The following TBK1 variants were observed in gnomAD, a reference collection of about 807,000 sequenced individuals.
TBK1 encodes the protein TANK binding kinase 1, also known as serine/threonine-protein kinase TBK1.
A neutral mutation model predicts 99.9 loss-of-function variants in TBK1; 37 were observed. The ratio of observed to expected loss-of-function variants is 0.37; its 90% CI spans 0.28 to 0.49. The LOEUF (loss-of-function observed/expected upper bound fraction) is 0.49, where lower values mean the gene tolerates loss of function less well. Ranked by LOEUF, TBK1 falls within the 20% of genes least tolerant of loss-of-function variation. The pLI is 0.98. For synonymous variants in TBK1, 258 were observed against 279.8 expected, an observed-to-expected ratio of 0.92 and a Z score of 0.78; for missense variants, 644 against 872.5, an observed-to-expected ratio of 0.74 and a Z score of 3.30.
chr12:64,497,577 C>G, intron 18 of TBK1, 71 bp from the exon 19 acceptor site: 1 of 1,007,516 alleles, frequency 9.9e-7, no homozygotes. Flanking sequence ...GATGTCAGAT[C>G]TGTAGTAAGT....
At chr12:64,456,654 C>A (rs1393401336) in intron 2 of TBK1, among the ~76,000 whole-genome samples, 3 of 152,044 alleles carry the variant, frequency 2.0e-5, no homozygotes. Context: ...TCCTGGCTAA[C>A]ACGGTGAAAC....
At chr12:64,494,604 C>G (rs2040906883) in intron 13 of TBK1, among the ~76,000 whole-genome samples, 1 of 152,048 alleles carries the variant, frequency 6.6e-6, no homozygotes, top group Admixed American at 6.6e-5. Context: ...GGAAAATAGT[C>G]AATCTGCAAA....
intron 13 of TBK1, among the ~76,000 whole-genome samples, chr12:64,492,171 C>A (rs10878178): frequency 6.6e-6 from 1 of 152,046 alleles, no homozygotes. Context: ...TTTACCTGCT[C>A]ATAGGCCTAG....
At chr12:64,476,321 C>T (rs898164871) in intron 6 of TBK1, among the ~76,000 whole-genome samples, 2 of 151,770 alleles carry the variant, frequency 1.3e-5, no homozygotes, top group South Asian at 4.2e-4. Context: ...CCACACCCGG[C>T]TAATTTTTTG....
chr12:64,465,818 A>G (rs1196931065), intron 4 of TBK1, among the ~76,000 whole-genome samples: 2 of 152,208 alleles, frequency 1.3e-5, no homozygotes, highest in African/African-American at 4.8e-5. Context: ...TGGTGTGACA[A>G]AAGTATTCTG....
chr12:64,458,304 G>A (rs898633288), intron 2 of TBK1, among the ~76,000 whole-genome samples: 1 of 151,944 alleles, frequency 6.6e-6, no homozygotes, highest in Non-Finnish European at 1.5e-5. Context: ...CATGATATTA[G>A]CCCTTTTATA....
intron 3 of TBK1, 146 bp from the exon 4 acceptor site, chr12:64,464,188 T>C (rs2040579075): frequency 3.7e-6 from 2 of 545,000 alleles, no homozygotes; most frequent in Non-Finnish European, 6.1e-6. Context: ...TATATGTGTA[T>C]GTTCAACAGA....
chr12:64,455,789 T>C (rs1486108847), intron 1 of TBK1, 51 bp from the exon 2 acceptor site: 1 of 904,146 alleles, frequency 1.1e-6, no homozygotes, highest in Admixed American at 2.4e-5. Context: ...ATTTGTTTCT[T>C]AGCTGTGTTA....
chr12:64,483,371 A>G (rs571140755), intron 8 of TBK1, among the ~76,000 whole-genome samples: 107 of 152,286 alleles, frequency 7.0e-4, no homozygotes, highest in African/African-American at 2.5e-3. Context: ...CTGCTGAAAC[A>G]TTTCTTTTGA....
At chr12:64,489,984 T>C in intron 12 of TBK1, 57 bp from the exon 13 acceptor site, 1 of 1,047,830 alleles carries the variant, frequency 9.5e-7, no homozygotes, top group Non-Finnish European at 1.4e-6. Context: ...AAAACATCTT[T>C]TTAAAACTAT....
At chr12:64,479,928 A>G (rs1010254262) in intron 6 of TBK1, 84 bp from the exon 7 acceptor site, 58 of 813,468 alleles carry the variant, frequency 7.1e-5, no homozygotes, top group Middle Eastern at 5.1e-4. Context: ...TGTAGGTGCA[A>G]TTGAGGAAAT....
At chr12:64,485,137 A>C (rs1372155940) in intron 9 of TBK1, among the ~76,000 whole-genome samples, 1 of 152,120 alleles carries the variant, frequency 6.6e-6, no homozygotes, top group East Asian at 1.9e-4. Flanking sequence ...TACTCATTCT[A>C]CTGGTAGAAA....
chr12:64,458,354 G>T (rs956022402), intron 2 of TBK1, among the ~76,000 whole-genome samples: 6 of 151,774 alleles, frequency 4.0e-5, no homozygotes, highest in South Asian at 2.1e-4. Context: ...TTTATTACTT[G>T]TTATTCAAAG....
chr12:64,492,864 G>C (rs1281241389), intron 13 of TBK1, among the ~76,000 whole-genome samples: 2 of 150,494 alleles, frequency 1.3e-5, no homozygotes, highest in East Asian at 1.9e-4. Context: ...TGGGACTTCA[G>C]GCGCCCGCCA....
intron 1 of TBK1, among the ~76,000 whole-genome samples, chr12:64,455,501 A>G (rs896824927): frequency 1.3e-5 from 2 of 152,208 alleles, no homozygotes; most frequent in African/African-American, 4.8e-5. Context: ...AAAACAGACA[A>G]GGTAACACCA....
intron 10 of TBK1, 99 bp from the exon 11 acceptor site, chr12:64,485,827 C>A: frequency 3.9e-6 from 3 of 771,446 alleles, no homozygotes; most frequent in South Asian, 2.7e-5. Context: ...TTTTAATTAA[C>A]CTGATAAAAA....
intron 6 of TBK1, among the ~76,000 whole-genome samples, chr12:64,476,853 A>G (rs919656906): frequency 6.6e-6 from 1 of 152,136 alleles, no homozygotes; most frequent in African/African-American, 2.4e-5. Flanking sequence ...TGTATATGGT[A>G]AGAGGTAGGG....
In TBK1 at chr12:64,488,017, G is replaced by T. The variant is rs563812858; in HGVS notation, c.1341-470G>T. The stretch of plus-strand genomic sequence containing the variant: ...GAACATTTTGGATTCTCAGATTAGG[G>T]ATGCTTAACCAGTATGTATATATGC... On this transcript the variant is annotated intron_variant, in intron 11 of 20. Coordinates refer to ENST00000331710, the MANE Select transcript of TBK1 (RefSeq NM_013254.4). Among the ~76,000 whole-genome samples, 8 of 152,290 alleles carry T rather than the reference G, an allele frequency of 5.3e-5. No individual in the cohort carries two copies. In the South Asian group the frequency reaches 1.7e-3, roughly 32 times the overall value.
In TBK1 at chr12:64,501,826, C is replaced by T. The variant is rs1868248776; in HGVS notation, c.*445C>T. ...GTGAGTGGGGAGCAGAACCGCACCA[C>T]TGTTATACTGGGATAACAATTTTTT... On this transcript the variant is annotated 3_prime_UTR_variant, in exon 21 of 21. Coordinates refer to ENST00000331710, the MANE Select transcript of TBK1 (RefSeq NM_013254.4). 2 of 153,682 alleles carry T rather than the reference C, an allele frequency of 1.3e-5. No individual in the cohort carries two copies. Among genetic ancestry groups the T allele is most frequent in the Non-Finnish European group, 2.9e-5 (2 of 69,076 alleles). 9.5% of individuals were successfully genotyped at this position (153,682 alleles called of 1,614,324 possible).
Sources: gnomAD v4.1 joint callset for allele counts (sites outside exome capture counted in the v4.1 genomes callset) on GRCh38, gnomAD v4.1.1 for gene constraint, MANE v1.5 for transcripts, NCBI Gene and HGNC (gene_info 2026-07-23, HGNC 2026-07-21) for gene names.